UBA2: variants seen among roughly 807,000 people sequenced by gnomAD.
UBA2 encodes SUMO-activating enzyme subunit 2.
UBA2 carries 11 observed loss-of-function variants against 77.2 expected under a neutral mutation model. The ratio of observed to expected loss-of-function variants is 0.14; its 90% confidence interval spans 0.09 to 0.24. The LOEUF is 0.24. Ranked by LOEUF, UBA2 falls within the 10% of genes least tolerant of loss-of-function variation. The pLI, the probability that UBA2 is intolerant of heterozygous loss-of-function variation, is 1.00. For synonymous variants in UBA2, 278 were observed against 276.7 expected (o/e 1.00, Z -0.05); for missense variants, 487 against 781.7 (o/e 0.62, Z 4.50).
At chr19:34,432,012 T>A (rs1051146940) in intron 3 of UBA2, 81 bp downstream of exon 3, 39 of 1,087,020 alleles carry the variant, frequency 3.6e-5, no homozygotes, top group Non-Finnish European at 5.2e-5. Flanking sequence ...TTCAGCTTTT[T>A]TAAAAAAAAT....
intron 12 of UBA2, among the ~76,000 whole-genome samples, chr19:34,456,222 C>T (rs1164560592): frequency 6.9e-6 from 1 of 145,284 alleles, no homozygotes; most frequent in African/African-American, 2.6e-5. Flanking sequence ...TCTAGCGATT[C>T]TCCTGCCTCA....
At chr19:34,431,543 G>A (rs1404538373) in intron 2 of UBA2, among the ~76,000 whole-genome samples, 5 of 152,064 alleles carry the variant, frequency 3.3e-5, no homozygotes, top group Admixed American at 1.3e-4. Context: ...AAGATGCTCA[G>A]TAAATACTTG....
intron 16 of UBA2, among the ~76,000 whole-genome samples, chr19:34,467,562 C>T (rs1041128960): frequency 6.6e-6 from 1 of 151,968 alleles, no homozygotes; most frequent in Non-Finnish European, 1.5e-5. Flanking sequence ...ATCGCCTGAG[C>T]TCAGGAGTTT....
intron 14 of UBA2, among the ~76,000 whole-genome samples, chr19:34,463,807 C>T (rs955344195): frequency 2.7e-5 from 4 of 149,518 alleles, no homozygotes; most frequent in African/African-American, 1.0e-4. Flanking sequence ...CAGATTAGAG[C>T]CCACCCTACT....
chr19:34,468,202 C>T (rs903928750), intron 16 of UBA2, among the ~76,000 whole-genome samples: 2 of 151,992 alleles, frequency 1.3e-5, no homozygotes, highest in African/African-American at 4.8e-5. Flanking sequence ...TTTCTTTGAC[C>T]CTATGTCTGT....
intron 9 of UBA2, among the ~76,000 whole-genome samples, chr19:34,451,039 T>A (rs924891831): frequency 6.6e-6 from 1 of 152,160 alleles, no homozygotes; most frequent in African/African-American, 2.4e-5. Context: ...GTTGCCCAGA[T>A]TAGAGTGCAG....
rs2075421580 is a variant in UBA2 at position 34,445,655 on chromosome 19, C to T, written c.771+534C>T. The stretch of plus-strand genomic sequence containing the variant: ...GTCTCACCATGTTGGCCAGGTAGGT[C>T]ATGAACTCCTGACTGCAAGTGATCT... On this transcript the variant is annotated intron_variant, in intron 8 of 16. Transcript: ENST00000246548. Among the ~76,000 whole-genome samples the T allele has an allele frequency of 2.6e-5, 4 of 152,200 alleles. No homozygotes were observed. The South Asian group carries it at 8.3e-4, about 32-fold the overall frequency.
At chr19:34,454,589 C>A in intron 12 of UBA2, 33 bp downstream of exon 12, 7 of 1,069,522 alleles carry the variant, frequency 6.5e-6, no homozygotes, top group Non-Finnish European at 8.1e-6. Flanking sequence ...TTATGCAACC[C>A]CCCTTAAAAA....
At position 34,454,347 on chromosome 19, in the gene UBA2, A is replaced by G. The variant is rs1323360650; in HGVS notation, c.1126A>G (p.Ile376Val). The change falls in exon 11 of 17, where the codon ATC becomes GTC. Residue 376 changes from isoleucine to valine, a missense_variant. Transcript: ENST00000246548. ...TATGAATATGAAGAGTAGATTTGATATCAAATGTAAGTTATTTGTACTAAA... is the reference window on the plus strand; with the variant it reads ...TATGAATATGAAGAGTAGATTTGATGTCAAATGTAAGTTATTTGTACTAAA... ...FSMNMKSRFD[I>V]KSMAGNIIPA... The G allele has an allele frequency of 1.2e-6, 2 of 1,610,382 alleles. No individual in the cohort carries two copies. The highest frequency in any genetic ancestry group is 1.7e-6 in the Non-Finnish European group (2 of 1,178,594).
chr19:34,460,451 C>CTTTTTT lies in UBA2; in HGVS notation c.1402-10_1402-5dup. The CTTTTTT allele has an allele frequency of 8.1e-7, 1 of 1,241,174 alleles. No homozygotes were observed. The highest frequency in any genetic ancestry group is 1.1e-6 in the Non-Finnish European group (1 of 892,800). The allele number at this position is 1,241,174 out of a possible 1,614,324, so 76.9% of individuals were successfully genotyped here. A position where few individuals can be genotyped will look rare whatever the true frequency, so the allele number is the denominator to read the frequency against. ...ATTACCTACGTTAATATTTTGAATCCTTTTTTTTTTTTTTGTAGATAGTGA... is the reference window on the plus strand; with the variant it reads ...ATTACCTACGTTAATATTTTGAATCCTTTTTTTTTTTTTTTTTTTTGTAGATAGTGA... On this transcript the variant is annotated intron_variant, in intron 13 of 16. Coordinates refer to ENST00000246548, the MANE Select transcript of UBA2 (RefSeq NM_005499.3).
chr19:34,457,179 A>ATATATATATATATATAT (rs1555730726), intron 12 of UBA2, among the ~76,000 whole-genome samples: 5 of 53,216 alleles, frequency 9.4e-5, no homozygotes, highest in South Asian at 1.1e-3. Context: ...AAAAAAAAAA[A>ATATATATATATATATAT]ATATATATAT....
intron 7 of UBA2, 23 bp from the exon 8 acceptor site, chr19:34,444,977 A>G: frequency 1.2e-6 from 2 of 1,602,424 alleles, no homozygotes; most frequent in Non-Finnish European, 1.7e-6. Context: ...ACGGTTGAAA[A>G]TAAAATAATG....
At chr19:34,456,847 C>T (rs1489613806) in intron 12 of UBA2, among the ~76,000 whole-genome samples, 2 of 152,008 alleles carry the variant, frequency 1.3e-5, no homozygotes, top group Non-Finnish European at 2.9e-5. Flanking sequence ...AGTGAGCCAC[C>T]GTTCCTGGCC....
At chr19:34,464,155 T>A in intron 15 of UBA2, 24 bp downstream of exon 15, 1 of 1,432,802 alleles carries the variant, frequency 7.0e-7, no homozygotes, top group East Asian at 2.3e-5. Context: ...GTATTTTAAT[T>A]GTAAGAAATT....
Position 34,465,905 on chromosome 19 carries a change from C to T in UBA2, c.1605-973C>T, listed in dbSNP as rs1293155840. ...GGGAACAGAACCCCACCCCTTAAAA[C>T]GTGTGTCTTTTGTTTGACTTAAATG... On this transcript the variant is annotated intron_variant, in intron 15 of 16. Transcript: ENST00000246548. Among the ~76,000 whole-genome samples, 8 of 152,208 alleles carry T rather than the reference C, an allele frequency of 5.3e-5. No homozygotes were observed. The East Asian group carries it at 7.7e-4, about 15-fold the overall frequency.
chr19:34,444,051 T>C (rs868706268), intron 7 of UBA2, 140 bp downstream of exon 7: 1 of 370,508 alleles, frequency 2.7e-6, no homozygotes. Context: ...TTTGTTTTTT[T>C]TTTTTTTTTT....
chr19:34,428,549 C>T lies in UBA2; in HGVS notation c.117C>T (p.Thr39=), dbSNP rs768247693. The change falls in exon 1 of 17, where the codon ACC becomes ACT. Residue 39 remains threonine, a synonymous_variant. Transcript: ENST00000246548. ...AGCTCCTCAAGAATCTCGTGCTCACCGGTTTCTCCCACATCGACCTGGTGA... is the reference window on the plus strand; with the variant it reads ...AGCTCCTCAAGAATCTCGTGCTCACTGGTTTCTCCCACATCGACCTGGTGA... ...GCELLKNLVL[T]GFSHIDLIDL... 7 of 1,302,790 alleles carry T rather than the reference C, an allele frequency of 5.4e-6. No individual in the cohort carries two copies. The highest frequency in any genetic ancestry group is 4.5e-5 in the African/African-American group (3 of 65,994). The allele number at this position is 1,302,790 out of a possible 1,614,324, so 80.7% of individuals were successfully genotyped here. A position where few individuals can be genotyped will look rare whatever the true frequency, so the allele number is the denominator to read the frequency against.
Position 34,460,522 on chromosome 19 carries a change from G to A in UBA2, c.1454G>A (p.Gly485Glu). ...GCACCAGATGTCCAAATTGAAGATG[G>A]GAAAGGAACAATCCTAATATCTTCC... ...MVAPDVQIED[G>E]KGTILISSEE... The change falls in exon 14 of 17, where the codon GGG becomes GAG. Residue 485 changes from glycine to glutamate, a missense_variant. Physicochemically the swap from Gly to Glu is moderately conservative, Grantham distance 98. Coordinates refer to ENST00000246548, the MANE Select transcript of UBA2 (RefSeq NM_005499.3). 6.2e-7 allele frequency: 1 copy of A among 1,611,978 alleles called. No homozygotes were observed. The highest frequency in any genetic ancestry group is 8.5e-7 in the Non-Finnish European group (1 of 1,179,158).
At chr19:34,459,142 G>C (rs1316669091) in intron 13 of UBA2, among the ~76,000 whole-genome samples, 2 of 152,166 alleles carry the variant, frequency 1.3e-5, no homozygotes, top group African/African-American at 4.8e-5. Flanking sequence ...TATTTGACTG[G>C]AATCTGCAGC....
Sources: allele counts gnomAD v4.1 joint callset (sites outside exome capture counted in the v4.1 genomes callset), GRCh38; gene constraint gnomAD v4.1.1; transcripts MANE v1.5; gene names NCBI Gene and HGNC (gene_info 2026-07-23, HGNC 2026-07-21).